Variants in MAP2K6 observed in about 807,000 individuals in gnomAD.
MAP2K6 encodes dual specificity mitogen-activated protein kinase kinase 6.
MAP2K6 carries 16 observed loss-of-function variants against 53.7 expected under a neutral mutation model. The ratio of observed to expected loss-of-function variants is 0.30; its 90% CI spans 0.20 to 0.45. The LOEUF is 0.45. Among genes scored for constraint, MAP2K6 ranks in the 20% least tolerant of loss-of-function variants. The probability of loss-of-function intolerance (pLI) is 1.00; values close to 1 mark genes in which losing one functional copy is unlikely to be tolerated. For missense variants in MAP2K6, 204 were observed against 411.9 expected (o/e 0.50, Z 4.37); for synonymous variants, 132 against 143.1 (o/e 0.92, Z 0.55).
rs894028094 is a variant in MAP2K6 at position 69,550,935 on chromosome 17, A to C, written c.*9182A>C. ...GGCTTTTGCCGTACTGAGTATGCTC[A>C]CAGAGATAGGGAGATAGGTGGCCAG... On this transcript the variant is annotated 3_prime_UTR_variant, in exon 12 of 12. Coordinates refer to ENST00000590474, the MANE Select transcript of MAP2K6 (RefSeq NM_002758.4). 1 of 152,246 alleles carries C rather than the reference A, an allele frequency of 6.6e-6. No individual in the cohort carries two copies. The highest frequency in any genetic ancestry group is 2.4e-5 in the African/African-American group (1 of 41,464). The allele number at this position is 152,246 out of a possible 1,614,324, so 9.4% of individuals were successfully genotyped here.
At chr17:69,457,401 G>C (rs1907448487) in intron 1 of MAP2K6, among the ~76,000 whole-genome samples, 1 of 152,196 alleles carries the variant, frequency 6.6e-6, no homozygotes, top group Non-Finnish European at 1.5e-5. Context: ...ATGAATGTCT[G>C]AATGAACATA....
chr17:69,443,717 C>T (rs142397372), intron 1 of MAP2K6, among the ~76,000 whole-genome samples: 4 of 152,096 alleles, frequency 2.6e-5, no homozygotes, highest in East Asian at 3.9e-4. Context: ...CTCTCAAAAC[C>T]GAGGGAAGCA....
intron 2 of MAP2K6, among the ~76,000 whole-genome samples, chr17:69,512,926 C>T (rs1408661345): frequency 6.6e-6 from 1 of 152,110 alleles, no homozygotes; most frequent in African/African-American, 2.4e-5. Flanking sequence ...TCATACTAAA[C>T]CGAAGCTGGT....
intron 10 of MAP2K6, 31 bp from the exon 11 acceptor site, chr17:69,536,084 A>G: frequency 6.9e-7 from 1 of 1,457,162 alleles, no homozygotes; most frequent in Non-Finnish European, 9.6e-7. Flanking sequence ...TATGGCTTCT[A>G]GATTTTAATG....
intron 1 of MAP2K6, among the ~76,000 whole-genome samples, chr17:69,426,734 C>T (rs1157363660): frequency 6.6e-6 from 1 of 151,536 alleles, no homozygotes; most frequent in African/African-American, 2.4e-5. Context: ...GGGAAGGACT[C>T]TTGACTTCTA....
In MAP2K6 at chr17:69,543,038, T is replaced by C. The variant is rs753726111; in HGVS notation, c.*1285T>C. 9.9e-5 allele frequency: 15 copies of C among 152,172 alleles called. No homozygotes were observed. The highest frequency in any genetic ancestry group is 2.2e-4 in the African/African-American group (9 of 41,436). 9.4% of individuals were successfully genotyped at this position (152,172 alleles called of 1,614,324 possible). On this transcript the variant is annotated 3_prime_UTR_variant, in exon 12 of 12. Transcript: ENST00000590474. The stretch of plus-strand genomic sequence containing the variant: ...GCTCCTCTATAGGAGATGAGCTTCA[T>C]TGGGAGTTCCTAGCAAGTTGACTAA...
intron 9 of MAP2K6, among the ~76,000 whole-genome samples, chr17:69,526,064 A>G: frequency 6.6e-6 from 1 of 152,184 alleles, no homozygotes; most frequent in South Asian, 2.1e-4. Context: ...CTGCCTGCCC[A>G]GAAAGCACAT....
chr17:69,536,220 T>C, intron 11 of MAP2K6, 60 bp downstream of exon 11: 1 of 1,228,652 alleles, frequency 8.1e-7, no homozygotes, highest in Non-Finnish European at 1.2e-6. Context: ...GCAAAGTCAC[T>C]AAGACCTAAA....
intron 1 of MAP2K6, among the ~76,000 whole-genome samples, chr17:69,483,840 G>A (rs1416686817): frequency 6.6e-6 from 1 of 152,018 alleles, no homozygotes; most frequent in Non-Finnish European, 1.5e-5. Flanking sequence ...GACAATTCAG[G>A]GGGAAAGGAG....
rs969587556 is a variant in MAP2K6 at position 69,542,415 on chromosome 17, C to A, written c.*662C>A. ...GCCCAATCCTGGGTGATCACCACAT[C>A]TTTTAGGGGAAGTGACAAGATGCTC... On this transcript the variant is annotated 3_prime_UTR_variant, in exon 12 of 12. Coordinates refer to ENST00000590474, the MANE Select transcript of MAP2K6 (RefSeq NM_002758.4). 6.6e-6 allele frequency: 1 copy of A among 152,592 alleles called. No homozygotes were observed. The highest frequency in any genetic ancestry group is 2.4e-5 in the African/African-American group (1 of 41,430). 9.5% of individuals were successfully genotyped at this position (152,592 alleles called of 1,614,324 possible).
At position 69,449,682 on chromosome 17, in the gene MAP2K6, G is replaced by A. The variant is rs558315689; in HGVS notation, c.16+34682G>A. On this transcript the variant is annotated intron_variant, in intron 1 of 11. Coordinates refer to ENST00000590474, the MANE Select transcript of MAP2K6 (RefSeq NM_002758.4). ...GGCTAGAGTGCAGTGGCGCGATCTC[G>A]GCTCACTGCAGGCTCCGCCCCCTGG... Among the ~76,000 whole-genome samples the A allele has an allele frequency of 3.2e-4, 43 of 133,308 alleles. 1 individual carries two copies. Among genetic ancestry groups the A allele is most frequent in the Admixed American group, 2.7e-3 (33 of 12,374 alleles). 87.5% of individuals were successfully genotyped at this position (133,308 alleles called of 152,430 possible).
At chr17:69,449,294 G>T (rs1250844069) in intron 1 of MAP2K6, among the ~76,000 whole-genome samples, 1 of 151,706 alleles carries the variant, frequency 6.6e-6, no homozygotes, top group Non-Finnish European at 1.5e-5. Flanking sequence ...ATAATATATA[G>T]TACATAAACT....
At position 69,548,099 on chromosome 17, in the gene MAP2K6, C is replaced by T. The variant is rs1911946466; in HGVS notation, c.*6346C>T. 6.6e-6 allele frequency: 1 copy of T among 152,210 alleles called. No homozygotes were observed. Among genetic ancestry groups the T allele is most frequent in the Non-Finnish European group, 1.5e-5 (1 of 68,028 alleles). The allele number at this position is 152,210 out of a possible 1,614,324, so 9.4% of individuals were successfully genotyped here. On this transcript the variant is annotated 3_prime_UTR_variant, in exon 12 of 12. Transcript: ENST00000590474. Reference sequence around the variant, plus strand: ...GTCACAAAATTTGTTCTCAGGTGTTCTTAAAGCTCCCTGTTCTCACTGCGA... The same window carrying T: ...GTCACAAAATTTGTTCTCAGGTGTTTTTAAAGCTCCCTGTTCTCACTGCGA...
chr17:69,541,435 T>A (rs754945185), intron 11 of MAP2K6, among the ~76,000 whole-genome samples: 12 of 152,206 alleles, frequency 7.9e-5, no homozygotes, highest in South Asian at 2.1e-4. Context: ...ACACTTTTTT[T>A]TAAAATTTAA....
chr17:69,461,870 A>G (rs1360044902), intron 1 of MAP2K6, among the ~76,000 whole-genome samples: 1 of 152,222 alleles, frequency 6.6e-6, no homozygotes, highest in Admixed American at 6.5e-5. Flanking sequence ...AATAAAAAAG[A>G]AAGAAAAAGC....
At chr17:69,521,300 G>A (rs369122561) in intron 7 of MAP2K6, 200 bp downstream of exon 7, 1 of 435,630 alleles carries the variant, frequency 2.3e-6, no homozygotes, top group Non-Finnish European at 4.1e-6. Flanking sequence ...AGAAGAAGAC[G>A]TGATCTTTGT....
At chr17:69,460,447 G>A (rs959490113) in intron 1 of MAP2K6, among the ~76,000 whole-genome samples, 9 of 152,202 alleles carry the variant, frequency 5.9e-5, no homozygotes, top group African/African-American at 2.2e-4. Flanking sequence ...GCTGGGGCAA[G>A]CAAGGAGGAA....
At position 69,494,806 on chromosome 17, in the gene MAP2K6, G is replaced by A. The variant is rs1170168147; in HGVS notation, c.17-10974G>A. ...GGATCACCTGAGGTCAGGAATTCGA[G>A]ACCAGCCTGGCCAACATGGCGAAAC... On this transcript the variant is annotated intron_variant, in intron 1 of 11. Coordinates refer to ENST00000590474, the MANE Select transcript of MAP2K6 (RefSeq NM_002758.4). This position sits in a 1 kb window ranked among gnomAD's most constrained non-coding sequence, Gnocchi z 4.2. 6.6e-6 allele frequency among the ~76,000 whole-genome samples: 1 copy of A among 151,930 alleles called. No homozygotes were observed. Among genetic ancestry groups the A allele is most frequent in the Non-Finnish European group, 1.5e-5 (1 of 67,996 alleles).
chr17:69,463,267 T>C (rs944629917), intron 1 of MAP2K6, among the ~76,000 whole-genome samples: 2 of 151,078 alleles, frequency 1.3e-5, no homozygotes, highest in African/African-American at 4.9e-5. Context: ...CGTACATATA[T>C]GTATGTGTGT....
Sources: allele counts gnomAD v4.1 joint callset (sites outside exome capture counted in the v4.1 genomes callset), GRCh38; gene constraint gnomAD v4.1.1; non-coding constraint Gnocchi (gnomAD v3.1); transcripts MANE v1.5; gene names NCBI Gene and HGNC (gene_info 2026-07-23, HGNC 2026-07-21).